The following UMODL1 variants were observed in gnomAD, a reference collection of about 807,000 sequenced individuals.
UMODL1 encodes the protein uromodulin-like 1.
A neutral mutation model predicts 136.3 loss-of-function variants in UMODL1; 128 were observed. The observed-to-expected ratio is 0.94, with a 90% CI of 0.81 to 1.09. The LOEUF is 1.09. Ranked by LOEUF, UMODL1 falls within the 50% of genes least tolerant of loss-of-function variation. The pLI is 0.00. For synonymous variants in UMODL1, 721 were observed against 720.0 expected (o/e 1.00, Z -0.02); for missense variants, 1,766 against 1,725.6 (o/e 1.02, Z -0.41).
intron 20 of UMODL1, among the ~76,000 whole-genome samples, chr21:42,128,799 G>C (rs2067096130): frequency 6.6e-6 from 1 of 152,242 alleles, no homozygotes; most frequent in Non-Finnish European, 1.5e-5. Context: ...CTTTACAAGA[G>C]GAGCGGCACA....
chr21:42,138,850 C>A (rs555527736), intron 22 of UMODL1, among the ~76,000 whole-genome samples: 1 of 152,308 alleles, frequency 6.6e-6, no homozygotes, highest in East Asian at 1.9e-4. Context: ...GCTGGGATTA[C>A]AGGCGTGAGC....
chr21:42,141,941 T>G (rs2067287598), intron 22 of UMODL1, among the ~76,000 whole-genome samples, 155 bp from the exon 23 acceptor site: 1 of 152,172 alleles, frequency 6.6e-6, no homozygotes, highest in Non-Finnish European at 1.5e-5. Context: ...GTGGCTGCCT[T>G]TTCATTAGGG....
rs2066642977 is a variant in UMODL1 at position 42,102,176 on chromosome 21, A to G, written c.1197A>G (p.Val399=). ...CACTGTCTGTCTCAGATGCCCAGGT[A>G]TTTGAAGTCACAATAAAGATTGTAA... is the stretch of plus-strand genomic sequence containing the variant. ...TTLTIKTNAQ[V]FEVTIKIVNH... Residue 399 remains valine (V), a synonymous_variant, in exon 8 of 23, where the codon GTA becomes GTG. Coordinates refer to ENST00000408910, the MANE Select transcript of UMODL1 (RefSeq NM_001004416.3). 1 of 1,612,532 alleles carries G rather than the reference A, an allele frequency of 6.2e-7. No homozygotes were observed. The highest frequency in any genetic ancestry group is 8.5e-7 in the Non-Finnish European group (1 of 1,178,918).
chr21:42,122,237 A>T lies in UMODL1; in HGVS notation c.2828-594A>T, dbSNP rs1435981863. On this transcript the variant is annotated intron_variant, in intron 16 of 22. Transcript: ENST00000408910. The surrounding 1 kb of genome is among the most constrained non-coding windows in gnomAD (Gnocchi z 4.3). ...GTGTCTGGGGTCTGCTTCCATATAG[A>T]CCACCCCGAGAACAGGTGGGTGGAT... is the stretch of plus-strand genomic sequence containing the variant. Among the ~76,000 whole-genome samples the T allele has an allele frequency of 6.6e-6, 1 of 151,832 alleles. No homozygotes were observed. The highest frequency in any genetic ancestry group is 1.5e-5 in the Non-Finnish European group (1 of 67,942).
intron 7 of UMODL1, among the ~76,000 whole-genome samples, chr21:42,100,379 T>G (rs2066611834): frequency 6.6e-6 from 1 of 152,110 alleles, no homozygotes; most frequent in Non-Finnish European, 1.5e-5. Flanking sequence ...ATGAGCGACC[T>G]TCTGTGGCTC....
chr21:42,142,976 G>T lies in UMODL1; in HGVS notation c.*902G>T, dbSNP rs1449182028. ...CTCTGTACTTCATTTGAAATAAACT[G>T]GAATTGTATTAGATAGCTCACACCT... On this transcript the variant is annotated 3_prime_UTR_variant, in exon 23 of 23. Transcript: ENST00000408910. The T allele has an allele frequency of 2.0e-5, 3 of 152,144 alleles. No individual in the cohort carries two copies. Among genetic ancestry groups the T allele is most frequent in the African/African-American group, 7.2e-5 (3 of 41,422 alleles). 9.4% of individuals were successfully genotyped at this position (152,144 alleles called of 1,614,324 possible). A position where few individuals can be genotyped will look rare whatever the true frequency, so the allele number is the denominator to read the frequency against.
intron 9 of UMODL1, among the ~76,000 whole-genome samples, chr21:42,105,278 G>T (rs534541768): frequency 6.6e-6 from 1 of 152,286 alleles, no homozygotes; most frequent in Admixed American, 6.5e-5. Flanking sequence ...CCCCAGCAGG[G>T]TCCTCAGTGT....
rs373108386 is a variant in UMODL1, at chr21:42,126,478, C to G, written c.3281C>G (p.Thr1094Ser). The G allele has an allele frequency of 2.5e-4, 409 of 1,614,246 alleles. 3 individuals carry two copies. Among genetic ancestry groups the G allele is most frequent in the South Asian group, 2.1e-3 (188 of 91,084 alleles). Residue 1094 changes from threonine to serine, a missense_variant, in exon 18 of 23, where the codon ACC becomes AGC. Coordinates refer to ENST00000408910, the MANE Select transcript of UMODL1 (RefSeq NM_001004416.3). ...GACCTGCTGACATCCTCCGGCTTCA[C>G]CCTGGAGTGGGGGTAAGGGAGAAAT... is the stretch of plus-strand genomic sequence containing the variant. ...QNDLLTSSGF[T>S]LEWGVYTIIE...
intron 9 of UMODL1, among the ~76,000 whole-genome samples, chr21:42,107,650 A>G (rs1256542399): frequency 6.6e-6 from 1 of 152,132 alleles, no homozygotes; most frequent in Non-Finnish European, 1.5e-5. Context: ...AATCTGACAC[A>G]CGCCCCCAGG....
At position 42,102,252 on chromosome 21, in the gene UMODL1, G is replaced by C. The variant is rs1410060440; in HGVS notation, c.1273G>C (p.Asp425His). 1 of 1,612,804 alleles carries C rather than the reference G, an allele frequency of 6.2e-7. No homozygotes were observed. The highest frequency in any genetic ancestry group is 1.7e-5 in the Admixed American group (1 of 59,904). Residue 425 changes from aspartate to histidine, a missense_variant, in exon 8 of 23, where the codon GAC (aspartate) becomes CAC (histidine). Asp to His is a moderately conservative substitution (Grantham distance 81). Coordinates refer to ENST00000408910, the MANE Select transcript of UMODL1 (RefSeq NM_001004416.3). ...LLNRSSVEYQ[D>H]FSRQLLHEVE... ...CAACCGCAGCAGTGTGGAGTACCAG[G>C]ACTTTTCTAGACAACTGCTTCACGA...
chr21:42,072,727 T>C (rs1020137977), intron 1 of UMODL1, among the ~76,000 whole-genome samples: 1 of 152,220 alleles, frequency 6.6e-6, no homozygotes, highest in African/African-American at 2.4e-5. Context: ...GGCGCAATCA[T>C]GCAACAGGGG....
chr21:42,072,659 A>G (rs531662898), intron 1 of UMODL1, among the ~76,000 whole-genome samples: 1 of 152,364 alleles, frequency 6.6e-6, no homozygotes, highest in African/African-American at 2.4e-5. Flanking sequence ...TTGCAGCCAC[A>G]GGACATGGCT....
chr21:42,072,294 C>A (rs904715345), intron 1 of UMODL1, among the ~76,000 whole-genome samples: 3 of 152,206 alleles, frequency 2.0e-5, no homozygotes, highest in Admixed American at 6.5e-5. Flanking sequence ...ATTTTAAAAT[C>A]ATTTTCCTCT....
rs1429479809 is a variant in UMODL1, at chr21:42,122,769, C to T, written c.2828-62C>T. The T allele has an allele frequency of 1.3e-5, 20 of 1,505,614 alleles. No homozygotes were observed. The highest frequency in any genetic ancestry group is 1.7e-5 in the Non-Finnish European group (19 of 1,124,184). 93.3% of individuals were successfully genotyped at this position (1,505,614 alleles called of 1,614,324 possible). On this transcript the variant is annotated intron_variant, in intron 16 of 22. Coordinates refer to ENST00000408910, the MANE Select transcript of UMODL1 (RefSeq NM_001004416.3). The surrounding 1 kb of genome is among the most constrained non-coding windows in gnomAD (Gnocchi z 4.3). ...AGCTCCAGTCTGCTCCTTACCCCTG[C>T]CCCTCCATGCCAACCCCAAACACAG...
chr21:42,114,725 G>C (rs2187240), intron 13 of UMODL1, among the ~76,000 whole-genome samples: 3 of 152,140 alleles, frequency 2.0e-5, no homozygotes, highest in African/African-American at 7.2e-5. Context: ...AGTGCATGAC[G>C]TGAATTGTGC....
At position 42,099,588 on chromosome 21, in the gene UMODL1, C is replaced by T. The variant is rs1402731805; in HGVS notation, c.1186+408C>T. On this transcript the variant is annotated intron_variant, in intron 7 of 22. Transcript: ENST00000408910. The surrounding 1 kb of genome is among the most constrained non-coding windows in gnomAD (Gnocchi z 4.1). ...GCACTGAGGCCGTCTAAGTTCCCTC[C>T]CCGAGAGGGGAGCATCGCTGACGTT... 3.3e-5 allele frequency among the ~76,000 whole-genome samples: 5 copies of T among 152,204 alleles called. No individual in the cohort carries two copies. The highest frequency in any genetic ancestry group is 2.1e-4 in the South Asian group (1 of 4,828).
rs369123642 is a variant in UMODL1 at position 42,098,916 on chromosome 21, G to A, written c.932-10G>A. ...CCCTTTGCTCATCTTCTCTGTCTGTGCTTTCGTAGATTGTCCTCCAGTCAG... is the reference window on the plus strand; with the variant it reads ...CCCTTTGCTCATCTTCTCTGTCTGTACTTTCGTAGATTGTCCTCCAGTCAG... On this transcript the variant is annotated splice_polypyrimidine_tract_variant and intron_variant, in intron 6 of 22. Transcript: ENST00000408910. 33 of 1,613,600 alleles carry A rather than the reference G, an allele frequency of 2.0e-5. No homozygotes were observed. In the African/African-American group the frequency reaches 2.5e-4, roughly 12 times the overall value.
At chr21:42,063,849 C>T (rs2066161471) in intron 1 of UMODL1, among the ~76,000 whole-genome samples, 1 of 152,150 alleles carries the variant, frequency 6.6e-6, no homozygotes, top group Non-Finnish European at 1.5e-5. Context: ...TGTGCACCAG[C>T]CTCCCATGGG....
intron 2 of UMODL1, among the ~76,000 whole-genome samples, chr21:42,083,655 G>C (rs2066388686): frequency 6.6e-6 from 1 of 152,222 alleles, no homozygotes; most frequent in Non-Finnish European, 1.5e-5. Context: ...TCCCCCACTG[G>C]AATATAAGTT....
Sources: gnomAD v4.1 joint callset for allele counts (sites outside exome capture counted in the v4.1 genomes callset) on GRCh38, gnomAD v4.1.1 for gene constraint, Gnocchi (gnomAD v3.1) non-coding constraint, MANE v1.5 for transcripts, NCBI Gene and HGNC (gene_info 2026-07-23, HGNC 2026-07-21) for gene names.